Variants in CNIH3 observed in about 807,000 individuals in gnomAD.
CNIH3 encodes the protein protein cornichon homolog 3.
In CNIH3, 14 loss-of-function variants were observed where a neutral mutation model predicts 24.1. That is an observed-to-expected ratio of 0.58 (90% confidence interval 0.38 to 0.91). The LOEUF is 0.91. Among genes scored for constraint, CNIH3 ranks in the 40% least tolerant of loss-of-function variants. The pLI, the probability that CNIH3 is intolerant of heterozygous loss-of-function variation, is 0.00. For synonymous variants in CNIH3, 68 were observed against 73.8 expected (o/e 0.92, Z 0.40); for missense variants, 178 against 196.8 (o/e 0.90, Z 0.57).
intron 1 of CNIH3, among the ~76,000 whole-genome samples, chr1:224,471,129 G>A (rs1410053654): frequency 6.6e-6 from 1 of 151,456 alleles, no homozygotes; most frequent in African/African-American, 2.4e-5. Context: ...CTCACTGCAA[G>A]CTGGGTTCAA....
At chr1:224,457,339 C>T (rs560765854) in intron 1 of CNIH3, among the ~76,000 whole-genome samples, 16 of 151,256 alleles carry the variant, frequency 1.1e-4, no homozygotes, top group Admixed American at 4.6e-4. Context: ...TTCTGTTCTC[C>T]GCCCCTACTG....
chr1:224,556,621 A>G (rs989921133), intron 3 of CNIH3, among the ~76,000 whole-genome samples: 2 of 152,292 alleles, frequency 1.3e-5, no homozygotes, highest in South Asian at 2.1e-4. Context: ...CAGGCGTTAG[A>G]TTCTCATGAG....
At chr1:224,539,663 A>T (rs1282645408), downstream of CNIH3, among the ~76,000 whole-genome samples, 1 of 152,138 alleles carries the variant, frequency 6.6e-6, no homozygotes, top group East Asian at 1.9e-4. Flanking sequence ...GCCATACTGC[A>T]CTACTTGCCC....
chr1:224,441,240 A>G (rs2102945262), intron 1 of CNIH3, among the ~76,000 whole-genome samples: 1 of 152,362 alleles, frequency 6.6e-6, no homozygotes, highest in East Asian at 1.9e-4. Flanking sequence ...CACTCAAAAA[A>G]CATCAAAATG....
intron 1 of CNIH3, among the ~76,000 whole-genome samples, chr1:224,662,327 T>G (rs1345481935): frequency 6.6e-6 from 1 of 152,214 alleles, no homozygotes; most frequent in Non-Finnish European, 1.5e-5. Flanking sequence ...TTAATTATTT[T>G]TATAACCTGT....
intron 1 of CNIH3, among the ~76,000 whole-genome samples, chr1:224,506,451 C>A (rs1289633355): frequency 6.6e-6 from 1 of 152,246 alleles, no homozygotes; most frequent in African/African-American, 2.4e-5. Context: ...CTGCTCGATG[C>A]CACCCTCCTG....
chr1:224,718,384 T>C (rs1240898041), intron 3 of CNIH3, among the ~76,000 whole-genome samples: 1 of 152,088 alleles, frequency 6.6e-6, no homozygotes, highest in Non-Finnish European at 1.5e-5. Context: ...AAGGATCAAG[T>C]GTGGCTGGAG....
chr1:224,572,410 G>A (rs2125001916), intron 4 of CNIH3, among the ~76,000 whole-genome samples: 1 of 152,104 alleles, frequency 6.6e-6, no homozygotes, highest in South Asian at 2.1e-4. Context: ...CAGCTATTTG[G>A]GAGGTTGAGG....
chr1:224,490,345 G>A (rs757515589), intron 1 of CNIH3, among the ~76,000 whole-genome samples: 48 of 152,192 alleles, frequency 3.2e-4, no homozygotes, highest in Non-Finnish European at 7.4e-5. Context: ...ATGGTTCAGG[G>A]TTTCATATTT....
At chr1:224,476,350 A>G (rs946047989) in intron 1 of CNIH3, among the ~76,000 whole-genome samples, 2 of 152,312 alleles carry the variant, frequency 1.3e-5, no homozygotes, top group African/African-American at 2.4e-5. Context: ...CACTAAGAAA[A>G]CTATCAGAAC....
downstream of CNIH3, among the ~76,000 whole-genome samples, chr1:224,540,169 G>A (rs1030189348): frequency 6.6e-6 from 1 of 152,114 alleles, no homozygotes; most frequent in Admixed American, 6.6e-5. Flanking sequence ...AGTATCCTAC[G>A]GGCCAACTTA....
chr1:224,454,735 A>G (rs2102971654), intron 1 of CNIH3, among the ~76,000 whole-genome samples: 1 of 152,286 alleles, frequency 6.6e-6, no homozygotes. Context: ...GGCCTCTGGT[A>G]CTGGTGAAGA....
At chr1:224,444,023 G>A (rs897702265) in intron 1 of CNIH3, among the ~76,000 whole-genome samples, 2 of 152,106 alleles carry the variant, frequency 1.3e-5, no homozygotes, top group African/African-American at 4.8e-5. Context: ...ATACATAAAG[G>A]TAAAGAAATG....
At chr1:224,715,816 G>A (rs962168479) in intron 3 of CNIH3, among the ~76,000 whole-genome samples, 4 of 152,076 alleles carry the variant, frequency 2.6e-5, no homozygotes, top group African/African-American at 4.8e-5. Context: ...TGAGGGATCC[G>A]CTCCCATGAC....
At chr1:224,538,663 C>CTCTCT (rs1553264652), downstream of CNIH3, among the ~76,000 whole-genome samples, 6 of 139,780 alleles carry the variant, frequency 4.3e-5, no homozygotes, top group African/African-American at 1.6e-4. Context: ...CTCTCTCTCT[C>CTCTCT]TTTTTTTTTT....
chr1:224,684,690 T>C lies in CNIH3; in HGVS notation c.151-106T>C. The stretch of plus-strand genomic sequence containing the variant: ...TGGCCATGTGCCCAGGAGGGGTCTC[T>C]GGTGGCTTCTGCCTCCACTATTGGG... On this transcript the variant is annotated intron_variant, in intron 2 of 5. Coordinates refer to ENST00000272133, the MANE Select transcript of CNIH3 (RefSeq NM_152495.2). This position sits in a 1 kb window ranked among gnomAD's most constrained non-coding sequence, Gnocchi z 4.2. The C allele has an allele frequency of 1.0e-6, 1 of 972,626 alleles. No homozygotes were observed. Among genetic ancestry groups the C allele is most frequent in the African/African-American group, 1.6e-5 (1 of 62,142 alleles). 60.2% of individuals were successfully genotyped at this position (972,626 alleles called of 1,614,324 possible). A position where few individuals can be genotyped will look rare whatever the true frequency, so the allele number is the denominator to read the frequency against.
chr1:224,538,344 A>T (rs1439738147), downstream of CNIH3, among the ~76,000 whole-genome samples: 1 of 152,112 alleles, frequency 6.6e-6, no homozygotes, highest in African/African-American at 2.4e-5. Context: ...AGTCTCAGGA[A>T]TGTGGTAGTT....
intron 3 of CNIH3, among the ~76,000 whole-genome samples, chr1:224,723,715 TCTG>T (rs1688866384): frequency 1.3e-5 from 2 of 152,344 alleles, no homozygotes; most frequent in Admixed American, 6.5e-5. Flanking sequence ...GGGAAAATAA[TCTG>T]CTACTGGTTT....
At chr1:224,708,690 T>C (rs1028635516) in intron 3 of CNIH3, among the ~76,000 whole-genome samples, 33 of 152,190 alleles carry the variant, frequency 2.2e-4, no homozygotes, top group Admixed American at 2.0e-4. Context: ...CTCCTGCTCC[T>C]CTTTGGCTTC....
Sources: allele counts gnomAD v4.1 joint callset (sites outside exome capture counted in the v4.1 genomes callset), GRCh38; gene constraint gnomAD v4.1.1; non-coding constraint Gnocchi (gnomAD v3.1); transcripts MANE v1.5; gene names NCBI Gene and HGNC (gene_info 2026-07-23, HGNC 2026-07-21).